The following FBXO8 variants were observed in gnomAD, a reference collection of about 807,000 sequenced individuals.
FBXO8 encodes F-box protein 8.
In FBXO8, 15 loss-of-function variants were observed where a neutral mutation model predicts 33.4. The ratio of observed to expected loss-of-function variants is 0.45; its 90% CI spans 0.30 to 0.69. FBXO8 has a LOEUF of 0.69. Ranked by LOEUF, FBXO8 falls within the 30% of genes least tolerant of loss-of-function variation. FBXO8 has a pLI of 0.08. For synonymous variants in FBXO8, 132 were observed against 131.5 expected (o/e 1.00, Z -0.02); for missense variants, 274 against 380.3 (o/e 0.72, Z 2.32).
rs867029954 is a variant in FBXO8 at position 174,257,760 on chromosome 4, G to A, written c.456+1939C>T. On this transcript the variant is annotated intron_variant, in intron 3 of 5. Coordinates refer to ENST00000393674, the MANE Select transcript of FBXO8 (RefSeq NM_012180.3). The surrounding 1 kb of genome is among the most constrained non-coding windows in gnomAD (Gnocchi z 4.3). ...GGCTACATATCTTTATTATGATTAT[G>A]ATTATTATCATTGAGACAGAGTCTC... 6.6e-6 allele frequency among the ~76,000 whole-genome samples: 1 copy of A among 151,900 alleles called. No individual in the cohort carries two copies. Among genetic ancestry groups the A allele is most frequent in the Admixed American group, 6.6e-5 (1 of 15,248 alleles).
At chr4:174,248,270 A>G (rs1472083113) in intron 3 of FBXO8, among the ~76,000 whole-genome samples, 1 of 152,098 alleles carries the variant, frequency 6.6e-6, no homozygotes, top group East Asian at 1.9e-4. Context: ...GCCTATAAAT[A>G]TAACAATAGT....
intron 3 of FBXO8, among the ~76,000 whole-genome samples, chr4:174,258,605 C>T (rs1362423768): frequency 6.6e-6 from 1 of 151,968 alleles, no homozygotes. Context: ...TATGACTTAA[C>T]TGGTAAGAAG....
chr4:174,254,102 G>C lies in FBXO8; in HGVS notation c.456+5597C>G, dbSNP rs1736361147. 6.6e-6 allele frequency among the ~76,000 whole-genome samples: 1 copy of C among 152,162 alleles called. No individual in the cohort carries two copies. Among genetic ancestry groups the C allele is most frequent in the South Asian group, 2.1e-4 (1 of 4,828 alleles). The stretch of plus-strand genomic sequence containing the variant: ...TAGCTGATACATACAGGGAGAAGTG[G>C]GTACTGCAAGAAGCCAGTCATAAAA... On this transcript the variant is annotated intron_variant, in intron 3 of 5. Coordinates refer to ENST00000393674, the MANE Select transcript of FBXO8 (RefSeq NM_012180.3). This position sits in a 1 kb window ranked among gnomAD's most constrained non-coding sequence, Gnocchi z 4.2.
At position 174,263,025 on chromosome 4, in the gene FBXO8, C is replaced by A; in HGVS notation, c.68G>T (p.Gly23Val). 3 of 1,613,952 alleles carry A rather than the reference C, an allele frequency of 1.9e-6. No homozygotes were observed. The highest frequency in any genetic ancestry group is 2.5e-6 in the Non-Finnish European group (3 of 1,179,940). ...CCTGCTCTGCTCTCTGGTGAGGTAG[C>A]CTTGCTCACTGTAGCCTTCTTGTTG... ...QLQQEGYSEQ[G>V]YLTREQSRRM... is the part of the protein sequence containing the mutation. Residue 23 changes from glycine (G) to valine (V), a missense_variant, in exon 2 of 6, where the codon GGC (glycine) becomes GTC (valine). Transcript: ENST00000393674. This position sits in a 1 kb window ranked among gnomAD's most constrained non-coding sequence, Gnocchi z 4.2.
chr4:174,250,631 T>C (rs1736264396), intron 3 of FBXO8, among the ~76,000 whole-genome samples: 2 of 152,148 alleles, frequency 1.3e-5, no homozygotes, highest in African/African-American at 4.8e-5. Flanking sequence ...TATGGATAAA[T>C]GTACACTACA....
rs1736429531 is a variant in FBXO8 at position 174,256,928 on chromosome 4, A to C, written c.456+2771T>G. 6.6e-6 allele frequency among the ~76,000 whole-genome samples: 1 copy of C among 152,132 alleles called. No individual in the cohort carries two copies. Among genetic ancestry groups the C allele is most frequent in the Non-Finnish European group, 1.5e-5 (1 of 68,000 alleles). On this transcript the variant is annotated intron_variant, in intron 3 of 5. Transcript: ENST00000393674. The surrounding 1 kb of genome is among the most constrained non-coding windows in gnomAD (Gnocchi z 4.6). ...CAGGCCAGGGAGTAAAAAAAAAAGA[A>C]AATACAGCCAACTCTCAATAACAAT...
intron 3 of FBXO8, among the ~76,000 whole-genome samples, chr4:174,249,987 C>T (rs1212381311): frequency 6.6e-6 from 1 of 151,954 alleles, no homozygotes; most frequent in Non-Finnish European, 1.5e-5. Flanking sequence ...AGAGGAAGAA[C>T]GTCAAGGCCT....
chr4:174,264,057 T>C (rs1736632266), intron 1 of FBXO8, among the ~76,000 whole-genome samples: 1 of 152,208 alleles, frequency 6.6e-6, no homozygotes, highest in African/African-American at 2.4e-5. Flanking sequence ...TGATCTCTTT[T>C]TCAAACAAAA....
chr4:174,248,387 A>G (rs747944651), intron 3 of FBXO8, among the ~76,000 whole-genome samples: 7 of 152,090 alleles, frequency 4.6e-5, no homozygotes, highest in Non-Finnish European at 7.4e-5. Flanking sequence ...TTTTCCTCTC[A>G]CTGAGGAACC....
rs1050828956 is a variant in FBXO8 at position 174,245,213 on chromosome 4, G to A, written c.457-3995C>T. Among the ~76,000 whole-genome samples the A allele has an allele frequency of 2.6e-5, 4 of 151,656 alleles. No individual in the cohort carries two copies. Among genetic ancestry groups the A allele is most frequent in the Non-Finnish European group, 5.9e-5 (4 of 67,786 alleles). ...ACATCTAGAATACACACGTGCCAAG[G>A]TACATCAATAATACATGGCAGTAGA... On this transcript the variant is annotated intron_variant, in intron 3 of 5. Transcript: ENST00000393674. This position sits in a 1 kb window ranked among gnomAD's most constrained non-coding sequence, Gnocchi z 4.6.
At position 174,245,825 on chromosome 4, in the gene FBXO8, C is replaced by T. The variant is rs986466272; in HGVS notation, c.457-4607G>A. On this transcript the variant is annotated intron_variant, in intron 3 of 5. Transcript: ENST00000393674. The surrounding 1 kb of genome is among the most constrained non-coding windows in gnomAD (Gnocchi z 4.6). The stretch of plus-strand genomic sequence containing the variant: ...CTTGATAAATATGCTGACTATCAAG[C>T]CATGTGACAGTGAAAAGTGAAAGAC... Among the ~76,000 whole-genome samples, 1 of 151,832 alleles carries T rather than the reference C, an allele frequency of 6.6e-6. No homozygotes were observed. Among genetic ancestry groups the T allele is most frequent in the African/African-American group, 2.4e-5 (1 of 41,448 alleles).
At position 174,277,032 on chromosome 4, in the gene FBXO8, A is replaced by AT. The variant is rs150478659; in HGVS notation, c.-9+6377dup. Among the ~76,000 whole-genome samples, 1 of 151,942 alleles carries AT rather than the reference A, an allele frequency of 6.6e-6. No homozygotes were observed. The highest frequency in any genetic ancestry group is 1.5e-5 in the Non-Finnish European group (1 of 67,930). On this transcript the variant is annotated intron_variant, in intron 1 of 5. Coordinates refer to ENST00000393674, the MANE Select transcript of FBXO8 (RefSeq NM_012180.3). The surrounding 1 kb of genome is among the most constrained non-coding windows in gnomAD (Gnocchi z 4.9). The stretch of plus-strand genomic sequence containing the variant: ...ATTGTTCTGACATAATTTTGGATGT[A>AT]TTTTTTTTAAAGTAGCAGTTTTAGT...
rs1036864511 is a variant in FBXO8, at chr4:174,245,630, G to A, written c.457-4412C>T. ...GAAGCCTCTGAAGGCTTTTAAACCT[G>A]ATGAAGCAATGGGCTATAATGTGAA... On this transcript the variant is annotated intron_variant, in intron 3 of 5. Transcript: ENST00000393674. This position sits in a 1 kb window ranked among gnomAD's most constrained non-coding sequence, Gnocchi z 4.6. 5.3e-5 allele frequency among the ~76,000 whole-genome samples: 8 copies of A among 151,800 alleles called. No individual in the cohort carries two copies. The highest frequency in any genetic ancestry group is 1.7e-4 in the African/African-American group (7 of 41,378).
At chr4:174,268,903 C>A (rs1285737651) in intron 1 of FBXO8, among the ~76,000 whole-genome samples, 1 of 152,210 alleles carries the variant, frequency 6.6e-6, no homozygotes, top group East Asian at 1.9e-4. Flanking sequence ...GTTTTTTCAG[C>A]TCTTGCGCAT....
Position 174,259,173 on chromosome 4 carries a change from AC to A in FBXO8, c.456+525del, listed in dbSNP as rs1349059124. On this transcript the variant is annotated intron_variant, in intron 3 of 5. Transcript: ENST00000393674. The surrounding 1 kb of genome is among the most constrained non-coding windows in gnomAD (Gnocchi z 4.3). ...GTTAAGAAAGAATTAAATAATTAAT[AC>A]AAAATTATTCAATTTTATAACAATC... Among the ~76,000 whole-genome samples the A allele has an allele frequency of 6.6e-6, 1 of 152,142 alleles. No homozygotes were observed. The highest frequency in any genetic ancestry group is 2.4e-5 in the African/African-American group (1 of 41,468).
chr4:174,241,287 T>C lies in FBXO8; in HGVS notation c.457-69A>G, dbSNP rs888905005. ...TTTATGCATTTTAACAATTAAGCAA[T>C]AGCACAACAGTAGCTATAAATTCTT... On this transcript the variant is annotated intron_variant, in intron 3 of 5. Coordinates refer to ENST00000393674, the MANE Select transcript of FBXO8 (RefSeq NM_012180.3). This position sits in a 1 kb window ranked among gnomAD's most constrained non-coding sequence, Gnocchi z 4.2. 9.4e-6 allele frequency: 8 copies of C among 854,460 alleles called. No homozygotes were observed. The Admixed American group carries it at 1.3e-4, about 14-fold the overall frequency. 52.9% of individuals were successfully genotyped at this position (854,460 alleles called of 1,614,324 possible).
chr4:174,262,488 G>A lies in FBXO8; in HGVS notation c.329+276C>T, dbSNP rs73009500. 2.3e-3 allele frequency among the ~76,000 whole-genome samples: 349 copies of A among 152,256 alleles called. 1 individual carries two copies. The highest frequency in any genetic ancestry group is 7.1e-3 in the African/African-American group (294 of 41,546). ...AACTTTGCGGTATTTTCAGAATAAAGTGAGAGTTTCTGACTTATAATCAAC... is the reference window on the plus strand; with the variant it reads ...AACTTTGCGGTATTTTCAGAATAAAATGAGAGTTTCTGACTTATAATCAAC... On this transcript the variant is annotated intron_variant, in intron 2 of 5. Transcript: ENST00000393674. This position sits in a 1 kb window ranked among gnomAD's most constrained non-coding sequence, Gnocchi z 4.6.
At chr4:174,244,635 G>C (rs575756159) in intron 3 of FBXO8, among the ~76,000 whole-genome samples, 3 of 151,812 alleles carry the variant, frequency 2.0e-5, no homozygotes, top group Admixed American at 6.6e-5. Flanking sequence ...GATGAATCAT[G>C]ATGGTGTTAG....
chr4:174,275,757 A>G lies in FBXO8; in HGVS notation c.-9+7653T>C, dbSNP rs1276664744. On this transcript the variant is annotated intron_variant, in intron 1 of 5. Coordinates refer to ENST00000393674, the MANE Select transcript of FBXO8 (RefSeq NM_012180.3). The surrounding 1 kb of genome is among the most constrained non-coding windows in gnomAD (Gnocchi z 4.4). ...GATTTTGGGAATCCAACTAATTGTG[A>G]AAAATCTACAACCTATGAATCATCT... Among the ~76,000 whole-genome samples, 1 of 152,218 alleles carries G rather than the reference A, an allele frequency of 6.6e-6. No homozygotes were observed. The highest frequency in any genetic ancestry group is 1.5e-5 in the Non-Finnish European group (1 of 68,020).
Sources: gnomAD v4.1 joint callset for allele counts (sites outside exome capture counted in the v4.1 genomes callset) on GRCh38, gnomAD v4.1.1 for gene constraint, Gnocchi (gnomAD v3.1) non-coding constraint, MANE v1.5 for transcripts, NCBI Gene and HGNC (gene_info 2026-07-23, HGNC 2026-07-21) for gene names.